MTTP: variants seen among roughly 807,000 people sequenced by gnomAD.
The protein encoded by MTTP is microsomal triglyceride transfer protein.
In MTTP, 49 loss-of-function variants were observed where a neutral mutation model predicts 90.6. That is an observed-to-expected ratio of 0.54 (90% CI 0.43 to 0.69). The LOEUF (loss-of-function observed/expected upper bound fraction) is 0.69, where lower values mean the gene tolerates loss of function less well. MTTP is among the 30% of genes least tolerant of loss of function. The pLI, the probability that MTTP is intolerant of heterozygous loss-of-function variation, is 0.00. For synonymous variants in MTTP, 347 were observed against 384.2 expected, an observed-to-expected ratio of 0.90 and a Z score of 1.13; for missense variants, 945 against 1,067.5, an observed-to-expected ratio of 0.89 and a Z score of 1.60.
chr4:99,600,523 T>C, intron 8 of MTTP, 42 bp from the exon 9 acceptor site: 5 of 1,578,602 alleles, frequency 3.2e-6, no homozygotes, highest in Non-Finnish European at 4.4e-6. Flanking sequence ...AAGTATTCCT[T>C]CCCCTAAACA....
In MTTP at chr4:99,581,958, T is replaced by G. The variant is rs2110211792; in HGVS notation, c.115T>G (p.Ser39Ala). Residue 39 changes from serine to alanine, a missense_variant, in exon 2 of 18, where the codon TCC becomes GCC. Coordinates refer to ENST00000265517, the MANE Select transcript of MTTP (RefSeq NM_001386140.1). Reference protein sequence around the residue: ...NNDRLYKLTYSTEVLLDRGKG... With the variant: ...NNDRLYKLTYATEVLLDRGKG... ...TGACCGGCTGTACAAGCTCACGTAC[T>G]CCACTGAAGTTCTTCTTGATCGGGG... 1 of 1,614,194 alleles carries G rather than the reference T, an allele frequency of 6.2e-7. No individual in the cohort carries two copies. Among genetic ancestry groups the G allele is most frequent in the South Asian group, 1.1e-5 (1 of 91,084 alleles).
Position 99,606,818 on chromosome 4 carries a change from T to A in MTTP, c.1415T>A (p.Met472Lys). The A allele has an allele frequency of 1.2e-6, 2 of 1,614,154 alleles. No individual in the cohort carries two copies. The highest frequency in any genetic ancestry group is 1.7e-6 in the Non-Finnish European group (2 of 1,180,026). ...EKAEKKEDTR[M>K]YLLALKNALL... Reference sequence around the variant, plus strand: ...GCAGAGAAAAAAGAGGACACCAGGATGTATCTGCTGGCTTTGAAGAATGCC... The same window carrying A: ...GCAGAGAAAAAAGAGGACACCAGGAAGTATCTGCTGGCTTTGAAGAATGCC... The change falls in exon 11 of 18, where the codon ATG becomes AAG. Residue 472 changes from methionine to lysine, a missense_variant. Met to Lys is a moderately conservative substitution (Grantham distance 95, BLOSUM62 -1). Coordinates refer to ENST00000265517, the MANE Select transcript of MTTP (RefSeq NM_001386140.1).
rs1726171970 is a variant in MTTP, at chr4:99,619,170, T to C, written c.2342+72T>C. 7.9e-6 allele frequency: 11 copies of C among 1,395,406 alleles called. No individual in the cohort carries two copies. The South Asian group carries it at 1.2e-4, about 15-fold the overall frequency. 86.4% of individuals were successfully genotyped at this position (1,395,406 alleles called of 1,614,324 possible). ...ATACAGAGAACTTCCGAAATATGTT[T>C]TGGGAATTAATCTTCTGACTTTTCA... On this transcript the variant is annotated intron_variant, in intron 16 of 17. Coordinates refer to ENST00000265517, the MANE Select transcript of MTTP (RefSeq NM_001386140.1).
At chr4:99,566,297 GAAAAAA>G (rs567380343) in intron 1 of MTTP, among the ~76,000 whole-genome samples, 2 of 117,534 alleles carry the variant, frequency 1.7e-5, no homozygotes, top group African/African-American at 3.0e-5. Context: ...TCAAAAAAAA[GAAAAAA>G]AAAAAAAAAA....
chr4:99,612,414 G>A (rs1235492579), intron 14 of MTTP, among the ~76,000 whole-genome samples: 1 of 151,194 alleles, frequency 6.6e-6, no homozygotes, highest in East Asian at 1.9e-4. Context: ...ATGGAATGGG[G>A]TGAGTCATGG....
intron 7 of MTTP, among the ~76,000 whole-genome samples, chr4:99,596,475 G>A (rs987632064): frequency 2.6e-5 from 4 of 152,140 alleles, no homozygotes; most frequent in African/African-American, 9.7e-5. Flanking sequence ...CTTAGTGTGT[G>A]TGAGAATTAC....
At chr4:99,608,725 A>C (rs1168603302) in intron 11 of MTTP, 41 bp from the exon 12 acceptor site, 20 of 1,463,166 alleles carry the variant, frequency 1.4e-5, no homozygotes, top group Non-Finnish European at 1.9e-5. Context: ...GTCCATTTTA[A>C]AAATCTAGAT....
chr4:99,599,188 T>G (rs1193313237), intron 8 of MTTP, among the ~76,000 whole-genome samples: 8 of 152,340 alleles, frequency 5.3e-5, no homozygotes, highest in Non-Finnish European at 5.9e-5. Flanking sequence ...GGATGAAACC[T>G]TGTTAATTTC....
chr4:99,582,143 GA>G (rs1172332810), intron 2 of MTTP, 51 bp downstream of exon 2: 1 of 1,589,820 alleles, frequency 6.3e-7, no homozygotes, highest in African/African-American at 1.3e-5. Context: ...AGAAGTTTTT[GA>G]GAAGTGTACC....
chr4:99,588,128 T>G (rs1725302001), intron 3 of MTTP, among the ~76,000 whole-genome samples: 1 of 151,012 alleles, frequency 6.6e-6, no homozygotes, highest in African/African-American at 2.4e-5. Context: ...GTTTGGATAA[T>G]TCAGGAAAAG....
intron 15 of MTTP, 49 bp downstream of exon 15, chr4:99,613,189 G>A: frequency 6.7e-7 from 1 of 1,495,646 alleles, no homozygotes; most frequent in Non-Finnish European, 9.2e-7. Flanking sequence ...AAATACGCCA[G>A]GCACGTTTTA....
intron 3 of MTTP, among the ~76,000 whole-genome samples, chr4:99,586,922 C>T (rs935632765): frequency 1.3e-5 from 2 of 152,102 alleles, no homozygotes; most frequent in African/African-American, 2.4e-5. Context: ...TTAAAGACTT[C>T]GTTTGTAACC....
intron 1 of MTTP, 47 bp downstream of exon 1, chr4:99,575,017 G>T (rs756440086): frequency 6.3e-7 from 1 of 1,596,716 alleles, no homozygotes; most frequent in Non-Finnish European, 8.6e-7. Flanking sequence ...CATCTTTGGA[G>T]TTGGAGGCAG....
chr4:99,591,339 G>A lies in MTTP; in HGVS notation c.606G>A (p.Thr202=), dbSNP rs778234436. 44 of 1,610,124 alleles carry A rather than the reference G, an allele frequency of 2.7e-5. No homozygotes were observed. Among genetic ancestry groups the A allele is most frequent in the South Asian group, 8.8e-5 (8 of 90,978 alleles). ...DSCKIARSGF[T]TPNQVLGVSS... ...GCAAAATAGCGAGGTCTGGATTTAC[G>A]ACCCCAAATCAGGTATGATAGATGT... Residue 202 remains threonine, a synonymous_variant, in exon 5 of 18, where the codon ACG becomes ACA. Coordinates refer to ENST00000265517, the MANE Select transcript of MTTP (RefSeq NM_001386140.1).
At chr4:99,572,815 A>T (rs567429629), upstream of MTTP, among the ~76,000 whole-genome samples, 28 of 152,210 alleles carry the variant, frequency 1.8e-4, no homozygotes, top group South Asian at 5.8e-3. Context: ...TGGCATTCTT[A>T]TGTCATCTGT....
intron 4 of MTTP, among the ~76,000 whole-genome samples, chr4:99,590,468 C>G (rs1220686250): frequency 6.6e-6 from 1 of 152,130 alleles, no homozygotes; most frequent in African/African-American, 2.4e-5. Flanking sequence ...TATACCAACA[C>G]TGTTCATTTT....
intron 1 of MTTP, among the ~76,000 whole-genome samples, chr4:99,578,402 G>C (rs1422306629): frequency 6.6e-6 from 1 of 152,224 alleles, no homozygotes; most frequent in Non-Finnish European, 1.5e-5. Context: ...CCAATGCCCA[G>C]TGTTGCCAGA....
chr4:99,587,370 A>G (rs932243495), intron 3 of MTTP, among the ~76,000 whole-genome samples: 1 of 152,156 alleles, frequency 6.6e-6, no homozygotes, highest in African/African-American at 2.4e-5. Context: ...GGATTAAAAA[A>G]ACTTTTTTCA....
In MTTP at chr4:99,619,095, A is replaced by C; in HGVS notation, c.2339A>C (p.Asn780Thr). Residue 780 changes from asparagine to threonine, a missense_variant, in exon 16 of 18, where the codon AAT (asparagine) becomes ACT (threonine). Coordinates refer to ENST00000265517, the MANE Select transcript of MTTP (RefSeq NM_001386140.1). ...WYRESKTRVK[N>T]RVTVVITTDI... ...CGTGAGTCTAAAACCCGAGTGAAAA[A>C]TAGGTAAGTGTTTATGCATTATACA... 1 of 1,613,164 alleles carries C rather than the reference A, an allele frequency of 6.2e-7. No homozygotes were observed. The highest frequency in any genetic ancestry group is 2.2e-5 in the East Asian group (1 of 44,822).
Sources: allele counts gnomAD v4.1 joint callset (sites outside exome capture counted in the v4.1 genomes callset), GRCh38; gene constraint gnomAD v4.1.1; transcripts MANE v1.5; gene names NCBI Gene and HGNC (gene_info 2026-07-23, HGNC 2026-07-21).